The following RBFOX2 variants were observed in gnomAD, a reference collection of about 807,000 sequenced individuals.
RBFOX2 encodes the protein RNA binding fox-1 homolog 2, also known as RNA binding protein fox-1 homolog 2.
A neutral mutation model predicts 49.1 loss-of-function variants in RBFOX2; 10 were observed. The ratio of observed to expected loss-of-function variants is 0.20; its 90% CI spans 0.13 to 0.35. The LOEUF is 0.35. Among genes scored for constraint, RBFOX2 ranks in the 10% least tolerant of loss-of-function variants. The pLI, the probability that RBFOX2 is intolerant of heterozygous loss-of-function variation, is 1.00. For synonymous variants in RBFOX2, 183 were observed against 187.4 expected, an observed-to-expected ratio of 0.98 and a Z score of 0.19; for missense variants, 323 against 486.9, an observed-to-expected ratio of 0.66 and a Z score of 3.17.
chr22:35,826,317 G>C (rs1955710376), intron 1 of RBFOX2, among the ~76,000 whole-genome samples: 2 of 145,610 alleles, frequency 1.4e-5, no homozygotes, highest in South Asian at 4.3e-4. Context: ...AGTCCAGCCT[G>C]GGCAACAAGA....
chr22:35,878,036 TACTAC>T (rs1296929064), intron 1 of RBFOX2, among the ~76,000 whole-genome samples: 48 of 109,326 alleles, frequency 4.4e-4, no homozygotes, highest in South Asian at 4.3e-3. Context: ...CTACTACTAC[TACTAC>T]ACACACACAC....
exon 12 of RBFOX2, chr22:35,739,899 C>T (rs760406605): frequency 6.6e-6 from 1 of 152,600 alleles, no homozygotes; most frequent in Non-Finnish European, 1.5e-5. Flanking sequence ...CAGTTCTCTC[C>T]GTTACCAATC....
At chr22:36,027,955 T>C (rs2059510845) in intron 1 of RBFOX2, among the ~76,000 whole-genome samples, 1 of 152,016 alleles carries the variant, frequency 6.6e-6, no homozygotes, top group South Asian at 2.1e-4. Context: ...TTTGAAAAAA[T>C]GGAATCCATC....
At chr22:35,794,222 A>C (rs1427648098) in intron 2 of RBFOX2, among the ~76,000 whole-genome samples, 2 of 151,698 alleles carry the variant, frequency 1.3e-5, no homozygotes, top group African/African-American at 4.8e-5. Flanking sequence ...TTTTTTTTTA[A>C]ATCACCATTT....
chr22:35,855,879 T>C (rs533123271), intron 1 of RBFOX2, among the ~76,000 whole-genome samples: 3 of 152,060 alleles, frequency 2.0e-5, no homozygotes, highest in Admixed American at 6.5e-5. Flanking sequence ...TGGTGGCACA[T>C]GCCTGTAGTC....
intron 1 of RBFOX2, chr22:35,898,094 G>A: frequency 2.7e-6 from 2 of 738,350 alleles, no homozygotes; most frequent in Non-Finnish European, 2.5e-6. Context: ...TCCAGAAACA[G>A]AAGCTAGCCC....
intron 1 of RBFOX2, among the ~76,000 whole-genome samples, chr22:35,933,784 A>G (rs1226858083): frequency 6.6e-6 from 1 of 151,808 alleles, no homozygotes; most frequent in African/African-American, 2.4e-5. Flanking sequence ...ACCACCTAAA[A>G]CTAGTAAACA....
At chr22:35,961,030 T>C (rs537603047) in intron 1 of RBFOX2, among the ~76,000 whole-genome samples, 4 of 152,290 alleles carry the variant, frequency 2.6e-5, no homozygotes, top group African/African-American at 9.6e-5. Context: ...AGCACAAACA[T>C]GCATATGTTC....
intron 1 of RBFOX2, among the ~76,000 whole-genome samples, chr22:35,952,991 C>T (rs1204772678): frequency 2.0e-5 from 3 of 151,846 alleles, no homozygotes; most frequent in Non-Finnish European, 4.4e-5. Flanking sequence ...GCGGGCGGAT[C>T]ACGAGGTCAG....
intron 1 of RBFOX2, among the ~76,000 whole-genome samples, chr22:35,871,309 A>G (rs2044328462): frequency 6.6e-6 from 1 of 152,200 alleles, no homozygotes; most frequent in South Asian, 2.1e-4. Context: ...AAGGTGAGAG[A>G]AGGGAATAGA....
chr22:35,810,852 T>C (rs1951738571), intron 1 of RBFOX2, among the ~76,000 whole-genome samples: 1 of 152,190 alleles, frequency 6.6e-6, no homozygotes, highest in African/African-American at 2.4e-5. Context: ...AAAAGTTTCC[T>C]TGTGCCCCAA....
chr22:35,908,988 G>A (rs1324020813), intron 1 of RBFOX2, among the ~76,000 whole-genome samples: 2 of 151,846 alleles, frequency 1.3e-5, no homozygotes, highest in African/African-American at 2.4e-5. Context: ...GACTACAGGC[G>A]CCCGCCACCA....
intron 1 of RBFOX2, among the ~76,000 whole-genome samples, chr22:36,016,898 T>C (rs2059056741): frequency 6.6e-6 from 1 of 152,188 alleles, no homozygotes; most frequent in Non-Finnish European, 1.5e-5. Flanking sequence ...CTGCTCTCTC[T>C]CATTCCCTTC....
At chr22:35,941,128 T>C (rs150570158), upstream of RBFOX2, among the ~76,000 whole-genome samples, 19 of 152,330 alleles carry the variant, frequency 1.2e-4, 1 homozygote, top group East Asian at 2.7e-3. Context: ...ATAATAGTTA[T>C]AGGCAATGTT....
chr22:36,027,256 C>CCTCCTAGCATCCCTCTAACATCCTAT (rs1241150202), intron 1 of RBFOX2, among the ~76,000 whole-genome samples: 1 of 152,160 alleles, frequency 6.6e-6, no homozygotes, highest in Non-Finnish European at 1.5e-5. Flanking sequence ...GATGTCTAGT[C>CCTCCTAGCATCCCTCTAACATCCTAT]CTCCTAGCAT....
At chr22:35,961,491 CT>C in intron 1 of RBFOX2, 7 of 1,297,734 alleles carry the variant, frequency 5.4e-6, no homozygotes, top group Non-Finnish European at 7.1e-6. Context: ...CTCCCCACAC[CT>C]TACTGAAGCC....
chr22:36,005,197 C>T (rs1030559739), intron 1 of RBFOX2, among the ~76,000 whole-genome samples: 1 of 152,184 alleles, frequency 6.6e-6, no homozygotes, highest in Non-Finnish European at 1.5e-5. Context: ...ACTAAGCAAC[C>T]TTAAGGAAAG....
intron 1 of RBFOX2, among the ~76,000 whole-genome samples, chr22:35,864,089 T>C: frequency 6.6e-6 from 1 of 152,192 alleles, no homozygotes; most frequent in East Asian, 1.9e-4. Flanking sequence ...AATTTCCTTT[T>C]AAATTAATAT....
At chr22:35,896,403 A>C (rs867538118) in intron 1 of RBFOX2, among the ~76,000 whole-genome samples, 1 of 152,186 alleles carries the variant, frequency 6.6e-6, no homozygotes. Context: ...AAAAGCAAAC[A>C]AAAACCACCT....
Sources: allele counts gnomAD v4.1 joint callset (sites outside exome capture counted in the v4.1 genomes callset), GRCh38; gene constraint gnomAD v4.1.1; transcripts MANE v1.5; gene names NCBI Gene and HGNC (gene_info 2026-07-23, HGNC 2026-07-21).